Variants in SYN3 observed in about 807,000 individuals in gnomAD.
The protein encoded by SYN3 is synapsin-3.
A neutral mutation model predicts 65.8 loss-of-function variants in SYN3; 35 were observed. The ratio of observed to expected loss-of-function variants is 0.53; its 90% CI spans 0.41 to 0.70. SYN3 has a LOEUF of 0.70. Among genes scored for constraint, SYN3 ranks in the 30% least tolerant of loss-of-function variants. The pLI is 0.00. For synonymous variants in SYN3, 270 were observed against 292.9 expected (o/e 0.92, Z 0.80); for missense variants, 680 against 749.0 (o/e 0.91, Z 1.08).
chr22:32,718,429 G>A (rs570316232), intron 6 of SYN3, among the ~76,000 whole-genome samples: 10 of 151,468 alleles, frequency 6.6e-5, no homozygotes, highest in African/African-American at 1.7e-4. Context: ...GGTAGGACCC[G>A]AGGTGTGCCC....
intron 4 of SYN3, among the ~76,000 whole-genome samples, chr22:32,924,636 T>A (rs2050420953): frequency 6.6e-6 from 1 of 152,240 alleles, no homozygotes; most frequent in Non-Finnish European, 1.5e-5. Context: ...AAGATCTGCA[T>A]TTTAACATGA....
intron 1 of SYN3, among the ~76,000 whole-genome samples, chr22:33,029,175 T>G (rs2053703955): frequency 6.5e-5 from 1 of 15,310 alleles, no homozygotes; most frequent in Non-Finnish European, 1.6e-4. Context: ...AAAGATGACT[T>G]TTTTTTTTTT....
chr22:32,730,265 G>A (rs1248070940), intron 6 of SYN3, among the ~76,000 whole-genome samples: 1 of 152,174 alleles, frequency 6.6e-6, no homozygotes, highest in African/African-American at 2.4e-5. Context: ...TGAGGTGGCT[G>A]CATCAGACCA....
At chr22:32,586,739 A>G (rs766122987) in intron 7 of SYN3, among the ~76,000 whole-genome samples, 1 of 152,168 alleles carries the variant, frequency 6.6e-6, no homozygotes, top group Non-Finnish European at 1.5e-5. Flanking sequence ...GGGGCTACAA[A>G]GGAATTTTTG....
chr22:32,643,446 C>T (rs1480785691), intron 6 of SYN3, among the ~76,000 whole-genome samples: 1 of 151,458 alleles, frequency 6.6e-6, no homozygotes, highest in Non-Finnish European at 1.5e-5. Context: ...CACCTAATCT[C>T]GCCCCACAGG....
intron 4 of SYN3, among the ~76,000 whole-genome samples, chr22:32,874,685 T>C (rs948475984): frequency 3.3e-5 from 5 of 152,152 alleles, no homozygotes; most frequent in Non-Finnish European, 7.3e-5. Flanking sequence ...AAGAGCCAGG[T>C]TGGCAAAGGG....
rs149362442 is a variant in SYN3 at position 32,527,903 on chromosome 22, C to A, written c.1318+15G>T. ...CACTGCATGCTTTCTTGCAGTGGCT[C>A]GTCCTGGGTCATACCTTGCGGAGGT... On this transcript the variant is annotated intron_variant, in intron 12 of 13. Coordinates refer to ENST00000358763, the MANE Select transcript of SYN3 (RefSeq NM_003490.4). The A allele has an allele frequency of 5.8e-4, 910 of 1,578,250 alleles. 1 individual carries two copies. Among genetic ancestry groups the A allele is most frequent in the Non-Finnish European group, 6.6e-4 (768 of 1,160,480 alleles).
chr22:32,852,276 A>C (rs2048240281), intron 6 of SYN3, among the ~76,000 whole-genome samples: 1 of 152,236 alleles, frequency 6.6e-6, no homozygotes, highest in South Asian at 2.1e-4. Context: ...ATGGAGCAGC[A>C]GGCTGATTCA....
intron 6 of SYN3, among the ~76,000 whole-genome samples, chr22:32,775,354 T>A (rs1305985497): frequency 1.3e-5 from 2 of 152,142 alleles, no homozygotes; most frequent in Non-Finnish European, 2.9e-5. Flanking sequence ...GGCTTCAACA[T>A]GAATTTTGGG....
chr22:32,658,471 C>T (rs1178524647), intron 6 of SYN3, among the ~76,000 whole-genome samples: 1 of 152,204 alleles, frequency 6.6e-6, no homozygotes, highest in African/African-American at 2.4e-5. Context: ...CCTGCCTTGG[C>T]AGGTTAGAAG....
At chr22:32,672,665 G>C (rs979893965) in intron 6 of SYN3, among the ~76,000 whole-genome samples, 16 of 152,194 alleles carry the variant, frequency 1.1e-4, no homozygotes, top group African/African-American at 3.9e-4. Context: ...GTCTTGAGCT[G>C]GCACCTTCCT....
At position 32,508,103 on chromosome 22, in the gene SYN3, C is replaced by T. The variant is rs2057651306; in HGVS notation, c.*5589G>A. ...CCTCTGAGCCCAAGCCAAGCCATCG[C>T]ATCCCCTGTGACTTGCGCGTATACG... On this transcript the variant is annotated 3_prime_UTR_variant, in exon 14 of 14. Transcript: ENST00000358763. 6.6e-6 allele frequency among the ~76,000 whole-genome samples: 1 copy of T among 152,184 alleles called. No individual in the cohort carries two copies. The highest frequency in any genetic ancestry group is 1.5e-5 in the Non-Finnish European group (1 of 68,046).
At chr22:32,708,430 T>G (rs894541223) in intron 6 of SYN3, among the ~76,000 whole-genome samples, 4 of 152,220 alleles carry the variant, frequency 2.6e-5, no homozygotes, top group African/African-American at 9.7e-5. Context: ...GACAACCCCG[T>G]GCAGGAGGTG....
intron 2 of SYN3, among the ~76,000 whole-genome samples, chr22:32,989,835 CAAAAAA>C (rs112695934): frequency 7.9e-5 from 7 of 88,156 alleles, no homozygotes; most frequent in African/African-American, 2.3e-4. Flanking sequence ...ACTCCATCTT[CAAAAAA>C]AAAAAAAAAA....
At position 32,861,480 on chromosome 22, in the gene SYN3, C is replaced by T. The variant is rs56214022; in HGVS notation, c.711+3435G>A. The T allele has an allele frequency of 5.1e-3, 784 of 152,368 alleles. 5 individuals carry two copies. Among genetic ancestry groups the T allele is most frequent in the Middle Eastern group, 0.017 (5 of 294 alleles). 9.4% of individuals were successfully genotyped at this position (152,368 alleles called of 1,614,324 possible). On this transcript the variant is annotated intron_variant, in intron 6 of 13. Transcript: ENST00000358763. ...TGTCCTTATTTTAACCTCAAGGTCT[C>T]GCATGGTGGGGCCCCTGACCAACCT...
At chr22:32,795,058 G>A (rs1194637481) in intron 6 of SYN3, among the ~76,000 whole-genome samples, 1 of 152,194 alleles carries the variant, frequency 6.6e-6, no homozygotes, top group Non-Finnish European at 1.5e-5. Context: ...TGTGAAGAGG[G>A]CCTCCTCCAG....
At chr22:32,715,847 A>G (rs1005471126) in intron 6 of SYN3, among the ~76,000 whole-genome samples, 1 of 152,056 alleles carries the variant, frequency 6.6e-6, no homozygotes, top group Non-Finnish European at 1.5e-5. Flanking sequence ...CAAGGAAAGA[A>G]GTACAGAGGA....
At chr22:32,553,830 A>G (rs77294056) in intron 7 of SYN3, among the ~76,000 whole-genome samples, 1,637 of 152,292 alleles carry the variant, frequency 0.011, 19 homozygotes, top group African/African-American at 0.033. Flanking sequence ...GTTGGCCCAC[A>G]TCCCAGAGTT....
At chr22:33,049,506 T>C (rs766859093) in intron 1 of SYN3, among the ~76,000 whole-genome samples, 1 of 152,238 alleles carries the variant, frequency 6.6e-6, no homozygotes, top group Non-Finnish European at 1.5e-5. Flanking sequence ...ATAGTGATCA[T>C]GAAAAGGGTC....
Sources: allele counts gnomAD v4.1 joint callset (sites outside exome capture counted in the v4.1 genomes callset), GRCh38; gene constraint gnomAD v4.1.1; transcripts MANE v1.5; gene names NCBI Gene and HGNC (gene_info 2026-07-23, HGNC 2026-07-21).